RTL9: variants seen among roughly 807,000 people sequenced by gnomAD.
RTL9 encodes the protein retrotransposon Gag-like protein 9.
Under a neutral mutation model 44.7 loss-of-function variants are expected in RTL9, and 19 were observed. That is an observed-to-expected ratio of 0.42 (90% CI 0.30 to 0.62). The LOEUF (loss-of-function observed/expected upper bound fraction) is 0.62. RTL9 is among the 20% of genes least tolerant of loss of function. RTL9 has a pLI of 0.16. For missense variants in RTL9, 1,105 were observed against 1,080.6 expected, an observed-to-expected ratio of 1.02 and a Z score of -0.32; for synonymous variants, 407 against 398.9, an observed-to-expected ratio of 1.02 and a Z score of -0.24.
At chrX:110,420,987 C>T (rs1474943262) in intron 1 of RTL9, among the ~76,000 whole-genome samples, 1 of 111,694 alleles carries the variant, frequency 9.0e-6, no homozygotes, top group Non-Finnish European at 1.9e-5. Flanking sequence ...TGTTTTATTA[C>T]ACCAGCGAGA....
At chrX:110,375,450 C>T (rs933126773) in intron 1 of RTL9, among the ~76,000 whole-genome samples, 1 of 111,716 alleles carries the variant, frequency 9.0e-6, no homozygotes, top group African/African-American at 3.3e-5. Context: ...AGGGTGGTAA[C>T]CAGATCTGCC....
At chrX:110,386,801 G>A (rs1405668722) in intron 1 of RTL9, among the ~76,000 whole-genome samples, 2 of 112,366 alleles carry the variant, frequency 1.8e-5, no homozygotes, top group East Asian at 5.5e-4. Context: ...AACAGATCAA[G>A]CTTCTCCTCT....
intron 1 of RTL9, among the ~76,000 whole-genome samples, chrX:110,440,951 G>T (rs2068875665): frequency 8.9e-6 from 1 of 111,768 alleles, no homozygotes; most frequent in African/African-American, 3.3e-5. Context: ...TTTTATATTT[G>T]CTGAGATCTT....
At chrX:110,423,627 G>C (rs2068734729) in intron 1 of RTL9, among the ~76,000 whole-genome samples, 1 of 112,324 alleles carries the variant, frequency 8.9e-6, no homozygotes, top group Non-Finnish European at 1.9e-5. Context: ...TTTGGGAGAA[G>C]GGTAGGAAAG....
chrX:110,373,006 A>T (rs1203068478), intron 1 of RTL9, among the ~76,000 whole-genome samples: 1 of 112,355 alleles, frequency 8.9e-6, no homozygotes, highest in Non-Finnish European at 1.9e-5. Flanking sequence ...AACAAATCTT[A>T]TTTAGTACTT....
At chrX:110,411,236 G>C (rs963404623) in intron 1 of RTL9, among the ~76,000 whole-genome samples, 8 of 111,917 alleles carry the variant, frequency 7.1e-5, no homozygotes, top group Non-Finnish European at 1.3e-4. Flanking sequence ...GTTCAGTTTT[G>C]TATCACTGGC....
intron 1 of RTL9, among the ~76,000 whole-genome samples, chrX:110,378,202 C>A (rs1319057683): frequency 9.0e-6 from 1 of 110,832 alleles, no homozygotes; most frequent in East Asian, 2.8e-4. Context: ...TCCATCATAA[C>A]CTATCTTTGG....
intron 1 of RTL9, among the ~76,000 whole-genome samples, chrX:110,412,068 C>T (rs1338773409): frequency 8.9e-6 from 1 of 112,661 alleles, no homozygotes; most frequent in East Asian, 2.8e-4. Flanking sequence ...AAAGGAACAC[C>T]AATCAGTAAT....
At chrX:110,450,128 T>C (rs936464336), upstream of RTL9, among the ~76,000 whole-genome samples, 7 of 111,607 alleles carry the variant, frequency 6.3e-5, no homozygotes, top group African/African-American at 2.3e-4. Flanking sequence ...CAGAATTCAA[T>C]GAGCCCCAGG....
chrX:110,410,128 C>T (rs759008258), intron 1 of RTL9, among the ~76,000 whole-genome samples: 15 of 111,475 alleles, frequency 1.3e-4, no homozygotes, highest in African/African-American at 2.0e-4. Flanking sequence ...GCTGAGTCAC[C>T]GACAGGGATG....
intron 1 of RTL9, among the ~76,000 whole-genome samples, chrX:110,406,088 T>G (rs1337622794): frequency 1.8e-5 from 2 of 110,839 alleles, no homozygotes; most frequent in African/African-American, 6.6e-5. Flanking sequence ...GGATAGTAAG[T>G]TCTTCAAGGA....
chrX:110,449,146 AG>A (rs1205585730), upstream of RTL9, among the ~76,000 whole-genome samples: 5 of 110,275 alleles, frequency 4.5e-5, no homozygotes, highest in Non-Finnish European at 9.5e-5. Flanking sequence ...GGTGAAGAGT[AG>A]GGGGCTCTGG....
At chrX:110,434,229 G>A (rs1355634359) in intron 1 of RTL9, among the ~76,000 whole-genome samples, 1 of 111,790 alleles carries the variant, frequency 8.9e-6, no homozygotes, top group South Asian at 3.8e-4. Context: ...GGGAGTGGAC[G>A]AGTATTTGGG....
At chrX:110,378,008 C>CAAAAAAAAAAAAAAAAAAAAAAAA (rs755483656) in intron 1 of RTL9, among the ~76,000 whole-genome samples, 1 of 30,961 alleles carries the variant, frequency 3.2e-5, no homozygotes, top group African/African-American at 1.4e-4. Context: ...GACTCCGTCT[C>CAAAAAAAAAAAAAAAAAAAAAAAA]AAAAAAAAAA....
chrX:110,403,064 T>C (rs2068575656), intron 1 of RTL9, among the ~76,000 whole-genome samples: 1 of 111,387 alleles, frequency 9.0e-6, no homozygotes, highest in South Asian at 3.8e-4. Context: ...TTCAGCTTTC[T>C]TTATCACTTG....
chrX:110,416,746 T>C (rs945736763), upstream of RTL9, among the ~76,000 whole-genome samples: 1 of 111,392 alleles, frequency 9.0e-6, no homozygotes, highest in African/African-American at 3.3e-5. Context: ...TCCTGTGGGG[T>C]TGGTGGGAAG....
intron 1 of RTL9, among the ~76,000 whole-genome samples, chrX:110,436,049 A>G (rs377179077): frequency 1.8e-5 from 2 of 112,798 alleles, no homozygotes; most frequent in East Asian, 2.8e-4. Flanking sequence ...AAGGTCTTCT[A>G]TAGCCCCAAC....
chrX:110,393,944 C>T (rs760607634), intron 1 of RTL9, among the ~76,000 whole-genome samples: 8 of 112,287 alleles, frequency 7.1e-5, no homozygotes, highest in East Asian at 5.6e-4. Flanking sequence ...AATGACCATA[C>T]GAATCCATGA....
intron 1 of RTL9, among the ~76,000 whole-genome samples, chrX:110,361,042 T>G (rs905481225): frequency 1.8e-5 from 2 of 110,907 alleles, no homozygotes; most frequent in Non-Finnish European, 3.8e-5. Flanking sequence ...AATTGCCTGC[T>G]GGACATATCA....
Sources: allele counts gnomAD v4.1 joint callset (sites outside exome capture counted in the v4.1 genomes callset), GRCh38; gene constraint gnomAD v4.1.1; transcripts MANE v1.5; gene names NCBI Gene and HGNC (gene_info 2026-07-23, HGNC 2026-07-21).